Variants in TMEM132D observed in about 807,000 individuals in gnomAD.
TMEM132D encodes the protein mature OL transmembrane protein.
A neutral mutation model predicts 62.3 loss-of-function variants in TMEM132D; 21 were observed. The ratio of observed to expected loss-of-function variants is 0.34; its 90% CI spans 0.24 to 0.49. The LOEUF (loss-of-function observed/expected upper bound fraction) is 0.49. TMEM132D is among the 20% of genes least tolerant of loss of function. TMEM132D has a pLI of 0.99. For synonymous variants in TMEM132D, 621 were observed against 575.6 expected (o/e 1.08, Z -1.13); for missense variants, 1,346 against 1,402.8 (o/e 0.96, Z 0.65).
intron 4 of TMEM132D, among the ~76,000 whole-genome samples, chr12:129,324,815 G>C (rs966896205): frequency 6.6e-6 from 1 of 152,000 alleles, no homozygotes; most frequent in Non-Finnish European, 1.5e-5. Flanking sequence ...GCAATAGAGC[G>C]AGACTCCATC....
chr12:129,318,594 T>C (rs1323990003), intron 4 of TMEM132D, among the ~76,000 whole-genome samples: 5 of 152,158 alleles, frequency 3.3e-5, no homozygotes, highest in African/African-American at 9.7e-5. Flanking sequence ...TTTGGCTGTT[T>C]AATGCTCTAT....
In TMEM132D at chr12:129,136,235, T is replaced by C. The variant is rs200380066; in HGVS notation, c.1444-51533A>G. Among the ~76,000 whole-genome samples the C allele has an allele frequency of 2.0e-5, 3 of 152,308 alleles. No individual in the cohort carries two copies. In the East Asian group the frequency reaches 5.8e-4, roughly 29 times the overall value. ...AACCTCTACTCAGCTCCACCCAAAT[T>C]GATTGAATAATTTACAGACATTATT... On this transcript the variant is annotated intron_variant, in intron 5 of 8. Transcript: ENST00000422113.
At chr12:129,638,526 T>TATAAAC (rs1271568637) in intron 2 of TMEM132D, among the ~76,000 whole-genome samples, 1 of 45,414 alleles carries the variant, frequency 2.2e-5, no homozygotes, top group East Asian at 4.7e-4. Flanking sequence ...TATATAAATA[T>TATAAAC]ATAAACATAT....
intron 4 of TMEM132D, among the ~76,000 whole-genome samples, chr12:129,326,668 A>T (rs1358535207): frequency 6.6e-6 from 1 of 152,290 alleles, no homozygotes; most frequent in East Asian, 1.9e-4. Context: ...GTCCCTTCAC[A>T]GAAAGTGTTT....
At chr12:129,746,620 G>T (rs903659416) in intron 1 of TMEM132D, among the ~76,000 whole-genome samples, 1 of 152,048 alleles carries the variant, frequency 6.6e-6, no homozygotes, top group East Asian at 1.9e-4. Flanking sequence ...ATACACATAA[G>T]CCATATTTGG....
chr12:129,463,644 G>T (rs1192136550), intron 3 of TMEM132D, among the ~76,000 whole-genome samples: 4 of 151,044 alleles, frequency 2.6e-5, no homozygotes, highest in South Asian at 2.1e-4. Context: ...CCCACAACAG[G>T]CCCCGATGTG....
chr12:129,854,014 T>TG (rs1304071404), intron 1 of TMEM132D, among the ~76,000 whole-genome samples: 1 of 152,014 alleles, frequency 6.6e-6, no homozygotes, highest in African/African-American at 2.4e-5. Context: ...AAAGCCACCT[T>TG]GGGGGGATGG....
chr12:129,443,331 A>G (rs574818814), intron 3 of TMEM132D, among the ~76,000 whole-genome samples: 11 of 152,308 alleles, frequency 7.2e-5, no homozygotes, highest in Middle Eastern at 3.4e-3. Context: ...CTCAAGGTCT[A>G]TGTCAATCTC....
intron 1 of TMEM132D, among the ~76,000 whole-genome samples, chr12:129,776,277 G>A (rs1411437665): frequency 6.6e-6 from 1 of 152,160 alleles, no homozygotes; most frequent in Admixed American, 6.5e-5. Context: ...CAAGGTGAGA[G>A]TAAACACTGC....
chr12:129,264,241 T>G (rs1007476969), intron 4 of TMEM132D, among the ~76,000 whole-genome samples: 2 of 152,030 alleles, frequency 1.3e-5, no homozygotes, highest in African/African-American at 4.8e-5. Context: ...ATACAAAAAT[T>G]AGCTGGGCAT....
At chr12:129,793,933 G>A (rs1337860186) in intron 1 of TMEM132D, among the ~76,000 whole-genome samples, 2 of 152,004 alleles carry the variant, frequency 1.3e-5, no homozygotes, top group Non-Finnish European at 1.5e-5. Context: ...TTGTTTGTAA[G>A]TATTAAGAAC....
At chr12:129,684,025 C>A (rs563687652) in intron 2 of TMEM132D, among the ~76,000 whole-genome samples, 1 of 152,172 alleles carries the variant, frequency 6.6e-6, no homozygotes, top group Non-Finnish European at 1.5e-5. Flanking sequence ...AAAGTGCGAA[C>A]GTCAATGACT....
At chr12:129,532,746 G>C (rs1352809568) in intron 2 of TMEM132D, among the ~76,000 whole-genome samples, 11 of 152,184 alleles carry the variant, frequency 7.2e-5, no homozygotes, top group African/African-American at 2.7e-4. Context: ...TACGTGCCAG[G>C]CAGAGGGTGC....
At chr12:129,651,902 T>C (rs1879938731) in intron 2 of TMEM132D, among the ~76,000 whole-genome samples, 1 of 152,186 alleles carries the variant, frequency 6.6e-6, no homozygotes, top group Non-Finnish European at 1.5e-5. Flanking sequence ...TAAATCGCAG[T>C]AAAATACCAA....
chr12:129,312,800 C>G (rs896018429), intron 4 of TMEM132D, among the ~76,000 whole-genome samples: 6 of 152,160 alleles, frequency 3.9e-5, no homozygotes, highest in Non-Finnish European at 7.3e-5. Flanking sequence ...AAAGGACATA[C>G]ATTCTAGTTC....
chr12:129,552,501 T>C (rs1876927785), intron 2 of TMEM132D, among the ~76,000 whole-genome samples: 2 of 152,272 alleles, frequency 1.3e-5, no homozygotes, highest in African/African-American at 4.8e-5. Context: ...TTATCATCTA[T>C]TATCTGTCAT....
In TMEM132D at chr12:129,273,477, T is replaced by C. The variant is rs78944748; in HGVS notation, c.1300-63814A>G. Among the ~76,000 whole-genome samples the C allele has an allele frequency of 9.3e-3, 1,372 of 148,164 alleles. 17 individuals carry two copies. Among genetic ancestry groups the C allele is most frequent in the Non-Finnish European group, 0.015 (1,039 of 67,570 alleles). ...AAAGCACATGAACTCATACGTTCACTGCAGCACTACTCACAATAGCAAAGA... is the reference window on the plus strand; with the variant it reads ...AAAGCACATGAACTCATACGTTCACCGCAGCACTACTCACAATAGCAAAGA... On this transcript the variant is annotated intron_variant, in intron 4 of 8. Transcript: ENST00000422113.
Position 129,592,511 on chromosome 12 carries a change from T to A in TMEM132D, c.969-61306A>T, listed in dbSNP as rs1297833653. On this transcript the variant is annotated intron_variant, in intron 2 of 8. Coordinates refer to ENST00000422113, the MANE Select transcript of TMEM132D (RefSeq NM_133448.3). ...TAGGAGACAGATATGTGTACACACA[T>A]ACAATATGATATGTGCATAAAATAC... is the stretch of plus-strand genomic sequence containing the variant. Among the ~76,000 whole-genome samples the A allele has an allele frequency of 2.0e-5, 3 of 152,240 alleles. No individual in the cohort carries two copies. The South Asian group carries it at 6.2e-4, about 31-fold the overall frequency.
intron 1 of TMEM132D, among the ~76,000 whole-genome samples, chr12:129,894,781 A>G (rs761076582): frequency 4.0e-5 from 6 of 151,546 alleles, no homozygotes; most frequent in Non-Finnish European, 8.8e-5. Flanking sequence ...ATGACTGTCA[A>G]CTCTTATTAA....
Sources: allele counts gnomAD v4.1 joint callset (sites outside exome capture counted in the v4.1 genomes callset), GRCh38; gene constraint gnomAD v4.1.1; transcripts MANE v1.5; gene names NCBI Gene and HGNC (gene_info 2026-07-23, HGNC 2026-07-21).